GSDMB: variants seen among roughly 807,000 people sequenced by gnomAD.
The protein encoded by GSDMB is gasdermin-B.
GSDMB carries 32 observed loss-of-function variants against 42.9 expected under a neutral mutation model. That is an observed-to-expected ratio of 0.75 (90% CI 0.56 to 1.00). GSDMB has a LOEUF of 1.00. GSDMB is among the 50% of genes least tolerant of loss of function. GSDMB has a pLI of 0.00. For missense variants in GSDMB, 468 were observed against 498.5 expected, an observed-to-expected ratio of 0.94 and a Z score of 0.58; for synonymous variants, 175 against 193.7, an observed-to-expected ratio of 0.90 and a Z score of 0.80.
In GSDMB at chr17:39,912,510, T is replaced by A; in HGVS notation, c.236-13A>T. 1.2e-6 allele frequency: 2 copies of A among 1,604,710 alleles called. No homozygotes were observed. Among genetic ancestry groups the A allele is most frequent in the Non-Finnish European group, 1.7e-6 (2 of 1,171,544 alleles). ...TCAGCCTTTTGACCTGGAAAGAGAA[T>A]GATAAAGGTCACTCTGGAGCAGACC... On this transcript the variant is annotated splice_polypyrimidine_tract_variant and intron_variant, in intron 2 of 10. Coordinates refer to ENST00000418519, the MANE Select transcript of GSDMB (RefSeq NM_001165958.2).
chr17:39,905,470 C>A lies in GSDMB; in HGVS notation c.1054G>T (p.Ala352Ser). Residue 352 changes from alanine to serine, a missense_variant, in exon 10 of 11, where the codon GCT becomes TCT. Ala to Ser is a moderately conservative substitution (Grantham distance 99). Coordinates refer to ENST00000418519, the MANE Select transcript of GSDMB (RefSeq NM_001165958.2). Reference protein sequence around the residue: ...LELSEEQQFVAEALEKGTLPL... With the variant: ...LELSEEQQFVSEALEKGTLPL... ...AGGGTCCCCTTCTCCAGGGCCTCAG[C>A]CACAAACTGCTGCTCTTCAGACAGC... is the stretch of plus-strand genomic sequence containing the variant. 2 of 1,610,050 alleles carry A rather than the reference C, an allele frequency of 1.2e-6. No individual in the cohort carries two copies. Among genetic ancestry groups the A allele is most frequent in the South Asian group, 2.2e-5 (2 of 90,072 alleles).
At chr17:39,906,787 C>G in intron 7 of GSDMB, 174 bp downstream of exon 7, 1 of 1,430,430 alleles carries the variant, frequency 7.0e-7, no homozygotes, top group South Asian at 1.6e-5. Flanking sequence ...CAATGAGAAC[C>G]ACTGTGTTTA....
rs1461906384 is a variant in GSDMB at position 39,906,297 on chromosome 17, G to C, written c.728-26C>G. The stretch of plus-strand genomic sequence containing the variant: ...CTGTAGAGGCAGCAATTGAGAACCT[G>C]GGCCACCCAGCCCAAAAGGTTTTAT... On this transcript the variant is annotated intron_variant, in intron 7 of 10. Transcript: ENST00000418519. The C allele has an allele frequency of 1.9e-6, 3 of 1,611,346 alleles. No individual in the cohort carries two copies. The African/African-American group carries it at 4.0e-5, about 22-fold the overall frequency.
intron 1 of GSDMB, chr17:39,918,016 T>A (rs2063747427): frequency 6.6e-6 from 1 of 152,108 alleles, no homozygotes; most frequent in Non-Finnish European, 1.5e-5. Context: ...ATAGAGAAAG[T>A]GAGACCCATT....
At chr17:39,917,007 G>C in intron 2 of GSDMB, 75 bp downstream of exon 2, 1 of 899,290 alleles carries the variant, frequency 1.1e-6, no homozygotes, top group Non-Finnish European at 1.9e-6. Context: ...GATAACAATG[G>C]GGAATTGAGA....
chr17:39,907,108 G>A, intron 6 of GSDMB, 121 bp from the exon 7 acceptor site: 13 of 1,540,384 alleles, frequency 8.4e-6, no homozygotes, highest in African/African-American at 1.4e-5. Flanking sequence ...CTGGTGCCAG[G>A]GAGCCTGCAT....
At chr17:39,906,682 C>G in intron 7 of GSDMB, 3 of 1,194,092 alleles carry the variant, frequency 2.5e-6, no homozygotes, top group Admixed American at 7.3e-5. Context: ...ATCCTGATGT[C>G]CAGGCCACAC....
intron 8 of GSDMB, 59 bp from the exon 9 acceptor site, chr17:39,906,044 T>C: frequency 6.2e-7 from 1 of 1,611,752 alleles, no homozygotes; most frequent in Non-Finnish European, 8.5e-7. Context: ...TTATCCTCAC[T>C]GTGCCAACTG....
At chr17:39,905,605 G>T (rs2063490321) in intron 9 of GSDMB, 109 bp from the exon 10 acceptor site, 6 of 993,122 alleles carry the variant, frequency 6.0e-6, no homozygotes, top group Non-Finnish European at 9.4e-6. Flanking sequence ...GAGAGCCCCT[G>T]GGAGTGCTAG....
intron 9 of GSDMB, 51 bp from the exon 10 acceptor site, chr17:39,905,547 G>A: frequency 7.2e-7 from 1 of 1,396,114 alleles, no homozygotes; most frequent in Non-Finnish European, 1.0e-6. Flanking sequence ...GTGGGACAGG[G>A]CCTCAGTGGC....
rs767875098 is a variant in GSDMB, at chr17:39,906,168, T to C, written c.831A>G (p.Leu277=). The change falls in exon 8 of 11, where the codon CTA becomes CTG. Residue 277 remains leucine (L), a synonymous_variant. Transcript: ENST00000418519. ...TGCCGAGGCACTTAGCGAGGGAGTT[T>C]AGCACATCTTTTCTCTTCTCCTCTG... is the stretch of plus-strand genomic sequence containing the variant. ...DLTEEKRKDV[L]NSLAKCLGKE... is the part of the protein sequence containing the mutation. The C allele has an allele frequency of 4.5e-5, 72 of 1,614,078 alleles. No homozygotes were observed. The highest frequency in any genetic ancestry group is 5.5e-5 in the Non-Finnish European group (65 of 1,180,018).
At position 39,905,963 on chromosome 17, in the gene GSDMB, C is replaced by T; in HGVS notation, c.911G>A (p.Gly304Glu). ...GTCTGGGTCCTCCATGTGTAGCTCC[C>T]CGGAAATCAGGACCTCAGATACCTA... Reference protein sequence around the residue: ...EQRVSEVLISGELHMEDPDKP... With the variant: ...EQRVSEVLISEELHMEDPDKP... The change falls in exon 9 of 11, where the codon GGG (glycine) becomes GAG (glutamate). Residue 304 changes from glycine to glutamate, a missense_variant. Coordinates refer to ENST00000418519, the MANE Select transcript of GSDMB (RefSeq NM_001165958.2). 2.5e-6 allele frequency: 4 copies of T among 1,614,010 alleles called. No individual in the cohort carries two copies. The highest frequency in any genetic ancestry group is 3.4e-6 in the Non-Finnish European group (4 of 1,179,964).
At chr17:39,917,587 G>C (rs77749396) in intron 1 of GSDMB, 14,283 of 102,170 alleles carry the variant, frequency 0.14, 427 homozygotes, top group African/African-American at 0.39. Flanking sequence ...TAGTCTCCCC[G>C]CCGCCGCCCT....
chr17:39,916,609 A>T (rs977550723), intron 2 of GSDMB, among the ~76,000 whole-genome samples: 2 of 152,014 alleles, frequency 1.3e-5, no homozygotes, highest in African/African-American at 4.8e-5. Context: ...TTCTTACAAC[A>T]GTCCTCTAGA....
intron 6 of GSDMB, 94 bp downstream of exon 6, chr17:39,908,082 A>G (rs1303158056): frequency 5.2e-6 from 4 of 775,630 alleles, no homozygotes; most frequent in Non-Finnish European, 9.1e-6. Flanking sequence ...GTCTTACCAC[A>G]TCCTCGGACC....
intron 7 of GSDMB, chr17:39,906,720 G>T: frequency 8.0e-7 from 1 of 1,254,162 alleles, no homozygotes; most frequent in Non-Finnish European, 1.0e-6. Flanking sequence ...AGTTTCTGGA[G>T]ACGGGACTCA....
chr17:39,912,197 A>G lies in GSDMB; in HGVS notation c.407+129T>C, dbSNP rs921770191. 9.0e-6 allele frequency: 6 copies of G among 666,266 alleles called. No homozygotes were observed. In the Admixed American group the frequency reaches 1.8e-4, roughly 20 times the overall value. 41.3% of individuals were successfully genotyped at this position (666,266 alleles called of 1,614,324 possible). On this transcript the variant is annotated intron_variant, in intron 3 of 10. Transcript: ENST00000418519. ...AGAGAGCCAGTCCCCCACAAAGCTC[A>G]TGAAAAGCAGGGAAAAGAAAAATAA...
chr17:39,917,055 G>A, intron 2 of GSDMB, 27 bp downstream of exon 2: 1 of 1,494,148 alleles, frequency 6.7e-7, no homozygotes. Context: ...CTCCTGGCTG[G>A]CCACCTGTCA....
chr17:39,906,267 C>A lies in GSDMB; in HGVS notation c.732G>T (p.Lys244Asn), dbSNP rs1195207922. Residue 244 changes from lysine (K) to asparagine (N), a missense_variant, in exon 8 of 11, where the codon AAG (lysine) becomes AAT (asparagine). Coordinates refer to ENST00000418519, the MANE Select transcript of GSDMB (RefSeq NM_001165958.2). ...EKDGASSCLG[K>N]SLGSEDSRNM... ...TTCTGGAATCCTCCGAACCCAAAGA[C>A]TTTCCTGTAGAGGCAGCAATTGAGA... 3 of 1,614,024 alleles carry A rather than the reference C, an allele frequency of 1.9e-6. No homozygotes were observed. Among genetic ancestry groups the A allele is most frequent in the Non-Finnish European group, 2.5e-6 (3 of 1,180,006 alleles).
Sources: allele counts gnomAD v4.1 joint callset (sites outside exome capture counted in the v4.1 genomes callset), GRCh38; gene constraint gnomAD v4.1.1; transcripts MANE v1.5; gene names NCBI Gene and HGNC (gene_info 2026-07-23, HGNC 2026-07-21).